Variants in NCKAP5 observed in about 807,000 individuals in gnomAD.
The protein encoded by NCKAP5 is nck-associated protein 5.
Under a neutral mutation model 167.0 loss-of-function variants are expected in NCKAP5, and 92 were observed. The observed-to-expected ratio is 0.55, with a 90% CI of 0.47 to 0.66. NCKAP5 has a LOEUF of 0.66. NCKAP5 is among the 30% of genes least tolerant of loss of function. The pLI, the probability that NCKAP5 is intolerant of heterozygous loss-of-function variation, is 0.00. For synonymous variants in NCKAP5, 891 were observed against 877.4 expected (o/e 1.02, Z -0.27); for missense variants, 2,378 against 2,315.0 (o/e 1.03, Z -0.56).
chr2:132,797,326 T>C lies in NCKAP5; in HGVS notation c.808-597A>G, dbSNP rs530534247. Among the ~76,000 whole-genome samples, 4 of 152,316 alleles carry C rather than the reference T, an allele frequency of 2.6e-5. No homozygotes were observed. In the East Asian group the frequency reaches 5.8e-4, roughly 22 times the overall value. The stretch of plus-strand genomic sequence containing the variant: ...CATTAATATTCACGTGCTGTTCAAT[T>C]ATATACTGAATTCTTTATTTCAGTT... On this transcript the variant is annotated intron_variant, in intron 11 of 19. Transcript: ENST00000409261.
intron 3 of NCKAP5, among the ~76,000 whole-genome samples, chr2:133,393,826 A>C (rs1419947017): frequency 1.3e-5 from 2 of 152,240 alleles, no homozygotes; most frequent in Non-Finnish European, 2.9e-5. Context: ...CATATGTATT[A>C]GGAAGGAAAA....
chr2:133,452,685 T>C (rs985098992), intron 3 of NCKAP5, among the ~76,000 whole-genome samples: 1 of 152,086 alleles, frequency 6.6e-6, no homozygotes, highest in Non-Finnish European at 1.5e-5. Flanking sequence ...GTGAAATCAA[T>C]CCTTAAATCC....
In NCKAP5 at chr2:133,063,881, A is replaced by C. The variant is rs1313967283; in HGVS notation, c.341+66097T>G. Among the ~76,000 whole-genome samples, 3 of 152,350 alleles carry C rather than the reference A, an allele frequency of 2.0e-5. No individual in the cohort carries two copies. The East Asian group carries it at 5.8e-4, about 29-fold the overall frequency. On this transcript the variant is annotated intron_variant, in intron 6 of 19. Coordinates refer to ENST00000409261, the MANE Select transcript of NCKAP5 (RefSeq NM_207363.3). ...GGAAAACTTGTAACATTTGAGAGCT[A>C]GGAAAAAACCGTTAACATCTGCCAT...
intron 8 of NCKAP5, among the ~76,000 whole-genome samples, chr2:132,933,008 T>C (rs1696538096): frequency 6.8e-6 from 1 of 146,982 alleles, no homozygotes; most frequent in Non-Finnish European, 1.5e-5. Flanking sequence ...CACTGCAAGC[T>C]CCGCCTCCCG....
intron 8 of NCKAP5, among the ~76,000 whole-genome samples, chr2:132,896,179 A>G (rs548157635): frequency 4.7e-4 from 71 of 152,246 alleles, no homozygotes; most frequent in African/African-American, 1.7e-3. Context: ...AAAACAAAAC[A>G]CAGTAAACTT....
chr2:132,932,515 AG>A (rs1287032287), intron 8 of NCKAP5, among the ~76,000 whole-genome samples: 24 of 152,320 alleles, frequency 1.6e-4, no homozygotes, highest in Admixed American at 1.4e-3. Context: ...AGTCCAAACA[AG>A]GTCTTTAAGA....
intron 4 of NCKAP5, among the ~76,000 whole-genome samples, chr2:133,292,529 G>A (rs1438898585): frequency 6.6e-6 from 1 of 151,994 alleles, no homozygotes; most frequent in African/African-American, 2.4e-5. Flanking sequence ...ATCACATTAG[G>A]TTCCTGGCTG....
chr2:133,131,441 A>T (rs2082599815), intron 5 of NCKAP5, among the ~76,000 whole-genome samples: 1 of 151,990 alleles, frequency 6.6e-6, no homozygotes. Flanking sequence ...GTTATTTTTC[A>T]TGTGAATTTA....
chr2:133,560,113 A>G (rs1031248395), intron 1 of NCKAP5, among the ~76,000 whole-genome samples: 1 of 152,228 alleles, frequency 6.6e-6, no homozygotes, highest in South Asian at 2.1e-4. Context: ...ATAAAACCCA[A>G]TGCCAAGCTT....
the NCKAP5 span, among the ~76,000 whole-genome samples, chr2:133,589,737 C>T: frequency 6.6e-6 from 1 of 152,314 alleles, no homozygotes; most frequent in East Asian, 1.9e-4. Context: ...AATATCTGGA[C>T]CACTGCATCA....
chr2:133,234,998 A>C (rs1344932257), intron 4 of NCKAP5, among the ~76,000 whole-genome samples: 1 of 146,996 alleles, frequency 6.8e-6, no homozygotes, highest in Non-Finnish European at 1.5e-5. Flanking sequence ...CGACTGAGGG[A>C]CCCCATCCAA....
At chr2:133,535,970 C>T (rs1275137958) in intron 2 of NCKAP5, among the ~76,000 whole-genome samples, 1 of 152,080 alleles carries the variant, frequency 6.6e-6, no homozygotes, top group African/African-American at 2.4e-5. Context: ...CCTCCTTTGG[C>T]CACTTTCTAA....
chr2:133,191,505 C>G (rs773861123), intron 5 of NCKAP5, among the ~76,000 whole-genome samples: 3 of 152,104 alleles, frequency 2.0e-5, no homozygotes, highest in Non-Finnish European at 4.4e-5. Flanking sequence ...CAATAGCAGA[C>G]TTGGAACCAA....
At chr2:133,040,134 G>C (rs1359618375) in intron 6 of NCKAP5, among the ~76,000 whole-genome samples, 1 of 151,622 alleles carries the variant, frequency 6.6e-6, no homozygotes, top group East Asian at 1.9e-4. Flanking sequence ...CTTATTAACA[G>C]GACTGGAAAT....
At chr2:133,219,491 T>C (rs2086568101) in intron 4 of NCKAP5, among the ~76,000 whole-genome samples, 1 of 152,218 alleles carries the variant, frequency 6.6e-6, no homozygotes, top group Non-Finnish European at 1.5e-5. Flanking sequence ...GGGCCTCCCA[T>C]GGAGTCAGTG....
At chr2:132,893,980 G>C (rs535746436) in intron 8 of NCKAP5, among the ~76,000 whole-genome samples, 1 of 152,158 alleles carries the variant, frequency 6.6e-6, no homozygotes, top group Admixed American at 6.5e-5. Context: ...TGGTGTACCC[G>C]GGCATCCCGC....
intron 1 of NCKAP5, among the ~76,000 whole-genome samples, chr2:133,561,272 C>T (rs527821117): frequency 1.6e-4 from 25 of 152,146 alleles, no homozygotes; most frequent in Non-Finnish European, 3.4e-4. Context: ...GCATGAACAC[C>T]GTCTCCAAAG....
intron 3 of NCKAP5, among the ~76,000 whole-genome samples, chr2:133,306,451 C>T (rs1680785169): frequency 6.6e-6 from 1 of 152,150 alleles, no homozygotes; most frequent in Non-Finnish European, 1.5e-5. Flanking sequence ...GATATGTAAG[C>T]ATTTTAGAAA....
At chr2:132,711,091 A>G (rs1216845679) in intron 19 of NCKAP5, among the ~76,000 whole-genome samples, 2 of 152,176 alleles carry the variant, frequency 1.3e-5, no homozygotes, top group African/African-American at 4.8e-5. Context: ...GCATGAGCAA[A>G]AACACTCTGT....
Sources: allele counts gnomAD v4.1 joint callset (sites outside exome capture counted in the v4.1 genomes callset), GRCh38; gene constraint gnomAD v4.1.1; transcripts MANE v1.5; gene names NCBI Gene and HGNC (gene_info 2026-07-23, HGNC 2026-07-21).